PDLIM1: variants seen among roughly 807,000 people sequenced by gnomAD.
PDLIM1 encodes the protein PDZ and LIM domain protein 1.
A neutral mutation model predicts 35.2 loss-of-function variants in PDLIM1; 25 were observed. The ratio of observed to expected loss-of-function variants is 0.71; its 90% CI spans 0.52 to 0.99. The LOEUF (loss-of-function observed/expected upper bound fraction) is 0.99. Ranked by LOEUF, PDLIM1 falls within the 50% of genes least tolerant of loss-of-function variation. PDLIM1 has a pLI of 0.00. For missense variants in PDLIM1, 363 were observed against 415.3 expected (o/e 0.87, Z 1.09); for synonymous variants, 152 against 154.0 (o/e 0.99, Z 0.10).
Position 95,238,575 on chromosome 10 carries a change from C to T in PDLIM1, c.796G>A (p.Gly266Arg), listed in dbSNP as rs1359733638. 1 of 1,595,848 alleles carries T rather than the reference C, an allele frequency of 6.3e-7. No homozygotes were observed. The highest frequency in any genetic ancestry group is 1.7e-5 in the Admixed American group (1 of 59,998). ...KLPMCDKCGT[G>R]IVGVFVKLRD... ...TGGGAAGCAGATACTCACACAATCC[C>T]AGTGCCACATTTGTCACACATAGGC... The change falls in exon 6 of 7, where the codon GGG becomes AGG. Residue 266 changes from glycine (G) to arginine (R), a missense_variant. Gly to Arg is a moderately radical substitution (Grantham distance 125). Transcript: ENST00000329399.
intron 4 of PDLIM1, among the ~76,000 whole-genome samples, chr10:95,260,428 T>C (rs2035349975): frequency 6.6e-6 from 1 of 152,200 alleles, no homozygotes; most frequent in African/African-American, 2.4e-5. Context: ...GGAAAGGTGC[T>C]AGCTTTCTGC....
Position 95,271,623 on chromosome 10 carries a change from T to C in PDLIM1, c.248+10A>G, listed in dbSNP as rs573228681. On this transcript the variant is annotated intron_variant, in intron 2 of 6. Transcript: ENST00000329399. ...ATCAGAAATGAACAAAACGTTTCCATAGGCTTCACCTGGCTACAGTGAGAG... is the reference window on the plus strand; with the variant it reads ...ATCAGAAATGAACAAAACGTTTCCACAGGCTTCACCTGGCTACAGTGAGAG... 18 of 1,585,198 alleles carry C rather than the reference T, an allele frequency of 1.1e-5. No homozygotes were observed. The highest frequency in any genetic ancestry group is 1.9e-4 in the Middle Eastern group (1 of 5,204).
intron 5 of PDLIM1, among the ~76,000 whole-genome samples, chr10:95,244,883 G>C (rs1340925556): frequency 1.3e-5 from 2 of 152,068 alleles, no homozygotes; most frequent in African/African-American, 4.8e-5. Flanking sequence ...CTGGGCAACA[G>C]AGCAAGACCC....
chr10:95,285,481 G>A (rs968142911), intron 1 of PDLIM1, among the ~76,000 whole-genome samples: 1 of 152,160 alleles, frequency 6.6e-6, no homozygotes, highest in East Asian at 1.9e-4. Flanking sequence ...GTTAAAGCTG[G>A]CCTGGAAGTG....
Position 95,247,322 on chromosome 10 carries a change from T to A in PDLIM1, c.578A>T (p.Glu193Val). The change falls in exon 5 of 7, where the codon GAA (glutamate) becomes GTA (valine). Residue 193 changes from glutamate to valine, a missense_variant. Glu to Val is a moderately radical substitution (Grantham distance 121, BLOSUM62 -2). Transcript: ENST00000329399. ...QPPSSLVIDK[E>V]SEVYKMLQEK... ...CTGAAGCATCTTGTAAACTTCAGAT[T>A]CTTTGTCGATGACAAGGCTGCTTGG... 1 of 1,614,050 alleles carries A rather than the reference T, an allele frequency of 6.2e-7. No homozygotes were observed. Among genetic ancestry groups the A allele is most frequent in the South Asian group, 1.1e-5 (1 of 91,042 alleles).
chr10:95,286,973 G>C (rs1261370553), intron 1 of PDLIM1, among the ~76,000 whole-genome samples: 2 of 152,082 alleles, frequency 1.3e-5, no homozygotes, highest in Non-Finnish European at 2.9e-5. Flanking sequence ...TCATCTACCT[G>C]GCTGCAATAC....
chr10:95,286,445 ATTATT>A (rs1241842983), intron 1 of PDLIM1, among the ~76,000 whole-genome samples: 1 of 152,050 alleles, frequency 6.6e-6, no homozygotes, highest in African/African-American at 2.4e-5. Flanking sequence ...TACAGGGAAT[ATTATT>A]TTATTTTATC....
chr10:95,253,516 G>C (rs116316283), intron 4 of PDLIM1, among the ~76,000 whole-genome samples: 3 of 152,102 alleles, frequency 2.0e-5, no homozygotes, highest in Non-Finnish European at 2.9e-5. Context: ...TTAGCTGGGC[G>C]TGGTGGCGGA....
At chr10:95,258,367 TG>T (rs939339327) in intron 4 of PDLIM1, among the ~76,000 whole-genome samples, 1 of 152,082 alleles carries the variant, frequency 6.6e-6, no homozygotes, top group African/African-American at 2.4e-5. Flanking sequence ...CCGGGCATGG[TG>T]GCACACGCCT....
intron 1 of PDLIM1, among the ~76,000 whole-genome samples, chr10:95,287,288 A>T (rs953950311): frequency 1.3e-5 from 2 of 152,198 alleles, no homozygotes; most frequent in African/African-American, 4.8e-5. Context: ...CTGACAGACA[A>T]ACCCTTCTCT....
chr10:95,272,400 A>G (rs1297756529), intron 1 of PDLIM1, among the ~76,000 whole-genome samples: 1 of 152,218 alleles, frequency 6.6e-6, no homozygotes, highest in Non-Finnish European at 1.5e-5. Context: ...ATTGTTGACC[A>G]GGCATGGTGG....
intron 2 of PDLIM1, among the ~76,000 whole-genome samples, chr10:95,269,571 CA>C (rs11443591): frequency 5.1e-4 from 67 of 130,304 alleles, no homozygotes; most frequent in African/African-American, 1.1e-3. Flanking sequence ...GACTCCATCC[CA>C]AAAAAAAAAA....
intron 3 of PDLIM1, among the ~76,000 whole-genome samples, chr10:95,265,833 T>C (rs2035411901): frequency 2.0e-5 from 3 of 152,078 alleles, no homozygotes; most frequent in African/African-American, 4.8e-5. Context: ...GCCCATGAGA[T>C]GGAGGATGCA....
At chr10:95,281,208 A>G (rs189083462) in intron 1 of PDLIM1, among the ~76,000 whole-genome samples, 1 of 152,288 alleles carries the variant, frequency 6.6e-6, no homozygotes, top group Admixed American at 6.5e-5. Flanking sequence ...ATACTCCTAT[A>G]AAATACATAC....
intron 3 of PDLIM1, 70 bp downstream of exon 3, chr10:95,268,708 T>C (rs550859265): frequency 6.5e-5 from 62 of 949,912 alleles, no homozygotes; most frequent in Non-Finnish European, 1.0e-4. Context: ...AACAGGAATG[T>C]GCTGAGCAGT....
At chr10:95,258,625 C>A (rs557472042) in intron 4 of PDLIM1, among the ~76,000 whole-genome samples, 1 of 152,212 alleles carries the variant, frequency 6.6e-6, no homozygotes, top group African/African-American at 2.4e-5. Context: ...CTAAAGTAAT[C>A]AAACTTAGAA....
At chr10:95,248,226 C>CT (rs1015194733) in intron 4 of PDLIM1, among the ~76,000 whole-genome samples, 47 of 152,222 alleles carry the variant, frequency 3.1e-4, no homozygotes, top group African/African-American at 1.1e-3. Context: ...GTGATGGCCT[C>CT]TATTCAAAAT....
At position 95,267,317 on chromosome 10, in the gene PDLIM1, C is replaced by T. The variant is rs45526335; in HGVS notation, c.333+1461G>A. ...GGATTTCAGATAGACCAAGTTAAAA[C>T]GAAATCATTCCTTGTGTGTTATAAA... On this transcript the variant is annotated intron_variant, in intron 3 of 6. Transcript: ENST00000329399. 5.3e-3 allele frequency among the ~76,000 whole-genome samples: 799 copies of T among 152,084 alleles called. 15 individuals are homozygous for T. Among genetic ancestry groups the T allele is most frequent in the East Asian group, 0.035 (180 of 5,182 alleles).
Position 95,277,862 on chromosome 10 carries a change from A to G in PDLIM1, c.97-6078T>C, listed in dbSNP as rs546240311. Among the ~76,000 whole-genome samples the G allele has an allele frequency of 2.0e-5, 3 of 152,340 alleles. No homozygotes were observed. The South Asian group carries it at 6.2e-4, about 32-fold the overall frequency. On this transcript the variant is annotated intron_variant, in intron 1 of 6. Coordinates refer to ENST00000329399, the MANE Select transcript of PDLIM1 (RefSeq NM_020992.4). ...GTCCACTGCTGCCAGTCCTGAGCAC[A>G]TAAGAAGGTGTTTGAAGTTTAACTG...
Sources: gnomAD v4.1 joint callset for allele counts (sites outside exome capture counted in the v4.1 genomes callset) on GRCh38, gnomAD v4.1.1 for gene constraint, MANE v1.5 for transcripts, NCBI Gene and HGNC (gene_info 2026-07-23, HGNC 2026-07-21) for gene names.